Variants in EFNA5 observed in about 807,000 individuals in gnomAD.
The protein encoded by EFNA5 is ephrin-A5.
In EFNA5, 5 loss-of-function variants were observed where a neutral mutation model predicts 22.9. That is an observed-to-expected ratio of 0.22 (90% CI 0.11 to 0.46). The LOEUF is 0.46. Among genes scored for constraint, EFNA5 ranks in the 20% least tolerant of loss-of-function variants. The probability of loss-of-function intolerance (pLI) is 0.99; values close to 1 mark genes in which losing one functional copy is unlikely to be tolerated. For missense variants in EFNA5, 237 were observed against 293.3 expected, an observed-to-expected ratio of 0.81 and a Z score of 1.40; for synonymous variants, 113 against 112.2, an observed-to-expected ratio of 1.01 and a Z score of -0.04.
intron 1 of EFNA5, among the ~76,000 whole-genome samples, chr5:107,666,066 A>G (rs988128820): frequency 2.6e-5 from 4 of 152,180 alleles, no homozygotes; most frequent in Non-Finnish European, 5.9e-5. Flanking sequence ...ATTACTTAAA[A>G]TATTTAAAAT....
intron 1 of EFNA5, among the ~76,000 whole-genome samples, chr5:107,630,883 A>G (rs1209918746): frequency 6.6e-6 from 1 of 152,088 alleles, no homozygotes; most frequent in Non-Finnish European, 1.5e-5. Flanking sequence ...CTTTTGTTAA[A>G]AACGAAGACA....
chr5:107,605,456 A>T (rs1749692960), intron 1 of EFNA5, among the ~76,000 whole-genome samples: 1 of 152,148 alleles, frequency 6.6e-6, no homozygotes. Flanking sequence ...CTGTCATGAT[A>T]ATAGTGAGAA....
intron 1 of EFNA5, among the ~76,000 whole-genome samples, chr5:107,523,181 T>C (rs963795832): frequency 1.3e-5 from 2 of 152,228 alleles, no homozygotes; most frequent in African/African-American, 2.4e-5. Context: ...ACCTTTGCTT[T>C]TGAAAGATTT....
At chr5:107,554,518 T>A (rs1277426890) in intron 1 of EFNA5, among the ~76,000 whole-genome samples, 2 of 152,130 alleles carry the variant, frequency 1.3e-5, no homozygotes, top group African/African-American at 2.4e-5. Flanking sequence ...TAATAAGTAA[T>A]GGTGAGGTTT....
intron 1 of EFNA5, among the ~76,000 whole-genome samples, chr5:107,596,080 C>T (rs756208619): frequency 1.4e-4 from 21 of 152,104 alleles, no homozygotes; most frequent in Non-Finnish European, 2.8e-4. Context: ...GTACAGCTAA[C>T]ATTTTACTTA....
intron 2 of EFNA5, among the ~76,000 whole-genome samples, chr5:107,391,261 T>C (rs933427169): frequency 6.6e-6 from 1 of 152,194 alleles, no homozygotes; most frequent in African/African-American, 2.4e-5. Context: ...TGCCCTTGTG[T>C]TGTGGTTCTT....
chr5:107,423,599 A>G (rs1748728333), intron 2 of EFNA5, among the ~76,000 whole-genome samples: 1 of 152,140 alleles, frequency 6.6e-6, no homozygotes, highest in African/African-American at 2.4e-5. Flanking sequence ...GTCTATATAA[A>G]CAACTATTGT....
chr5:107,658,871 C>T (rs1012366516), intron 1 of EFNA5, among the ~76,000 whole-genome samples: 2 of 152,128 alleles, frequency 1.3e-5, no homozygotes, highest in African/African-American at 2.4e-5. Flanking sequence ...AAATTACTAA[C>T]CGAATGCTTC....
chr5:107,571,943 T>C (rs1366075636), intron 1 of EFNA5, among the ~76,000 whole-genome samples: 3 of 151,836 alleles, frequency 2.0e-5, no homozygotes, highest in Admixed American at 1.3e-4. Context: ...CTCTCCAATT[T>C]CTAAGTAAAA....
intron 1 of EFNA5, among the ~76,000 whole-genome samples, chr5:107,581,761 G>A (rs577437869): frequency 1.5e-4 from 23 of 152,306 alleles, no homozygotes; most frequent in Admixed American, 1.2e-3. Flanking sequence ...TAGGTCCCCA[G>A]CCCAAGGAAA....
intron 1 of EFNA5, among the ~76,000 whole-genome samples, chr5:107,523,740 C>T (rs1747641628): frequency 6.6e-6 from 1 of 152,166 alleles, no homozygotes; most frequent in South Asian, 2.1e-4. Flanking sequence ...AAATAAATCC[C>T]TTTGTAATAA....
intron 1 of EFNA5, among the ~76,000 whole-genome samples, chr5:107,467,588 C>T (rs746128166): frequency 6.6e-6 from 1 of 152,164 alleles, no homozygotes; most frequent in Non-Finnish European, 1.5e-5. Flanking sequence ...GATATGCGCA[C>T]ATGGCAAAAG....
intron 2 of EFNA5, among the ~76,000 whole-genome samples, chr5:107,412,606 A>T (rs1228729042): frequency 1.3e-5 from 2 of 152,206 alleles, no homozygotes; most frequent in African/African-American, 4.8e-5. Flanking sequence ...GGGAAAAAAA[A>T]CCAGGTGCAC....
intron 1 of EFNA5, among the ~76,000 whole-genome samples, chr5:107,515,018 G>C (rs1291046293): frequency 6.6e-6 from 1 of 152,178 alleles, no homozygotes; most frequent in Non-Finnish European, 1.5e-5. Context: ...GACATGTGCA[G>C]GATGGCAGCT....
In EFNA5 at chr5:107,377,370, G is replaced by C. The variant is rs1747294337; in HGVS notation, c.*3885C>G. ...AGCTCTGAGGGGAAATAAAACGTGG[G>C]AGGAAGGCAAGAGACACACAAAAAA... On this transcript the variant is annotated 3_prime_UTR_variant, in exon 5 of 5. Transcript: ENST00000333274. 6.6e-6 allele frequency: 1 copy of C among 151,986 alleles called. No individual in the cohort carries two copies. The highest frequency in any genetic ancestry group is 2.4e-5 in the African/African-American group (1 of 41,340). 9.4% of individuals were successfully genotyped at this position (151,986 alleles called of 1,614,324 possible).
At chr5:107,509,675 C>T (rs933502557) in intron 1 of EFNA5, among the ~76,000 whole-genome samples, 9 of 151,940 alleles carry the variant, frequency 5.9e-5, no homozygotes, top group African/African-American at 2.2e-4. Flanking sequence ...TACTCATATA[C>T]AGATGAATGG....
intron 1 of EFNA5, among the ~76,000 whole-genome samples, chr5:107,646,087 A>C (rs535084108): frequency 9.2e-5 from 14 of 152,206 alleles, no homozygotes; most frequent in Non-Finnish European, 1.6e-4. Flanking sequence ...TTTCTGTGAA[A>C]TGATAGGTGA....
chr5:107,455,577 T>G (rs971193950), intron 1 of EFNA5, among the ~76,000 whole-genome samples: 1 of 152,178 alleles, frequency 6.6e-6, no homozygotes, highest in Admixed American at 6.6e-5. Context: ...AAATCTTCAG[T>G]TGAGGGAAGA....
At chr5:107,535,876 T>G (rs1034795536) in intron 1 of EFNA5, among the ~76,000 whole-genome samples, 1 of 152,206 alleles carries the variant, frequency 6.6e-6, no homozygotes, top group Non-Finnish European at 1.5e-5. Context: ...CATGGTTTGT[T>G]TTATAAATAG....
Sources: gnomAD v4.1 joint callset for allele counts (sites outside exome capture counted in the v4.1 genomes callset) on GRCh38, gnomAD v4.1.1 for gene constraint, MANE v1.5 for transcripts, NCBI Gene and HGNC (gene_info 2026-07-23, HGNC 2026-07-21) for gene names.